ADORA2B: variants seen among roughly 807,000 people sequenced by gnomAD.
ADORA2B encodes adenosine receptor A2b.
In ADORA2B, 18 loss-of-function variants were observed where a neutral mutation model predicts 20.8. That is an observed-to-expected ratio of 0.87 (90% CI 0.60 to 1.29). The LOEUF (loss-of-function observed/expected upper bound fraction) is 1.29. Ranked by LOEUF, ADORA2B falls within the 50% of genes most tolerant of loss-of-function variation. The probability of loss-of-function intolerance (pLI) is 0.00; values close to 1 mark genes in which losing one functional copy is unlikely to be tolerated. For synonymous variants in ADORA2B, 179 were observed against 178.3 expected, an observed-to-expected ratio of 1.00 and a Z score of -0.03; for missense variants, 441 against 422.7, an observed-to-expected ratio of 1.04 and a Z score of -0.38.
the ADORA2B span, among the ~76,000 whole-genome samples, chr17:15,931,445 C>G: frequency 6.6e-6 from 1 of 152,178 alleles, no homozygotes; most frequent in African/African-American, 2.4e-5. Context: ...CTTCCATGTC[C>G]TTTTCCTTAG....
At chr17:15,854,782 T>C in the ADORA2B span, among the ~76,000 whole-genome samples, 1 of 152,352 alleles carries the variant, frequency 6.6e-6, no homozygotes, top group South Asian at 2.1e-4. Context: ...ACCAGGATAT[T>C]CGTTTCCTAA....
chr17:15,914,481 A>G, the ADORA2B span, among the ~76,000 whole-genome samples: 2 of 152,174 alleles, frequency 1.3e-5, no homozygotes, highest in Non-Finnish European at 2.9e-5. Flanking sequence ...CTGAGATTAC[A>G]AGTGTGAGCC....
the ADORA2B span, chr17:15,860,791 C>G: frequency 1.2e-5 from 2 of 165,724 alleles, no homozygotes; most frequent in African/African-American, 4.8e-5. Flanking sequence ...GCCTCTTCTT[C>G]AGGAATAGGT....
intron 1 of ADORA2B, among the ~76,000 whole-genome samples, chr17:15,962,374 T>C (rs1970051766): frequency 6.6e-6 from 1 of 152,142 alleles, no homozygotes; most frequent in Non-Finnish European, 1.5e-5. Flanking sequence ...TTTTTTTTCC[T>C]CATTCCTTCC....
At chr17:15,916,393 T>C in the ADORA2B span, among the ~76,000 whole-genome samples, 8 of 152,164 alleles carry the variant, frequency 5.3e-5, no homozygotes, top group Non-Finnish European at 1.0e-4. Context: ...AAGGGCTTTA[T>C]TCGACCAGGA....
the ADORA2B span, among the ~76,000 whole-genome samples, chr17:15,910,454 C>T: frequency 6.6e-6 from 1 of 152,090 alleles, no homozygotes; most frequent in African/African-American, 2.4e-5. Context: ...TGTGCCACCA[C>T]TCCTGGATAA....
the ADORA2B span, among the ~76,000 whole-genome samples, chr17:15,906,079 T>C: frequency 1.3e-5 from 2 of 152,240 alleles, no homozygotes; most frequent in Non-Finnish European, 2.9e-5. Context: ...TTTCTACCTT[T>C]CCAATTCGTA....
At chr17:15,859,555 C>T in the ADORA2B span, among the ~76,000 whole-genome samples, 1 of 151,948 alleles carries the variant, frequency 6.6e-6, no homozygotes, top group African/African-American at 2.4e-5. Context: ...TAGCTCTAAA[C>T]AAGGCACTTA....
the ADORA2B span, among the ~76,000 whole-genome samples, chr17:15,873,688 A>G: frequency 2.6e-5 from 4 of 152,206 alleles, no homozygotes; most frequent in African/African-American, 4.8e-5. Context: ...TAAAACCACA[A>G]TGAGAGACCA....
the ADORA2B span, among the ~76,000 whole-genome samples, chr17:15,906,368 C>A: frequency 6.6e-6 from 1 of 152,166 alleles, no homozygotes; most frequent in Admixed American, 6.6e-5. Context: ...TTGATATAAT[C>A]ATATGGTTTT....
At chr17:15,943,060 G>T (rs1969758319), upstream of ADORA2B, among the ~76,000 whole-genome samples, 1 of 152,214 alleles carries the variant, frequency 6.6e-6, no homozygotes, top group Non-Finnish European at 1.5e-5. Context: ...ACTGCTGTGG[G>T]AACGTGATTG....
chr17:15,875,128 T>G, the ADORA2B span, among the ~76,000 whole-genome samples: 2 of 152,174 alleles, frequency 1.3e-5, no homozygotes, highest in Admixed American at 6.5e-5. Flanking sequence ...GTAACAGTTT[T>G]TTGTTTTGTG....
the ADORA2B span, among the ~76,000 whole-genome samples, chr17:15,918,537 G>A: frequency 2.6e-5 from 4 of 152,118 alleles, no homozygotes; most frequent in Admixed American, 1.3e-4. Flanking sequence ...AGTAGCTTGA[G>A]GTCGGCTCAC....
rs529341610 is a variant in ADORA2B at position 15,974,720 on chromosome 17, T to C, written c.377T>C (p.Ile126Thr). Reference protein sequence around the residue: ...LVTGTRARGVIAVLWVLAFGI... With the variant: ...LVTGTRARGVTAVLWVLAFGI... ...ACGGGGACCCGAGCAAGAGGGGTCA[T>C]TGCTGTCCTCTGGGTCCTTGCCTTT... Residue 126 changes from isoleucine to threonine, a missense_variant, in exon 2 of 2, where the codon ATT (isoleucine) becomes ACT (threonine). By Grantham distance (89) the Ile-to-Thr change is moderately conservative. Transcript: ENST00000304222. 6.2e-6 allele frequency: 10 copies of C among 1,614,152 alleles called. No individual in the cohort carries two copies. Among genetic ancestry groups the C allele is most frequent in the South Asian group, 2.2e-5 (2 of 91,078 alleles).
the ADORA2B span, among the ~76,000 whole-genome samples, chr17:15,877,723 T>G: frequency 6.6e-6 from 1 of 151,598 alleles, no homozygotes; most frequent in Non-Finnish European, 1.5e-5. Flanking sequence ...GAAGAGAGAG[T>G]GTCTGGAGCT....
At chr17:15,925,161 G>A in the ADORA2B span, among the ~76,000 whole-genome samples, 6 of 151,874 alleles carry the variant, frequency 4.0e-5, no homozygotes, top group African/African-American at 9.7e-5. Context: ...TCAGCCTCCC[G>A]AGTAGCTGAG....
the ADORA2B span, among the ~76,000 whole-genome samples, chr17:15,856,420 G>C: frequency 6.6e-6 from 1 of 152,100 alleles, no homozygotes; most frequent in Non-Finnish European, 1.5e-5. Context: ...TTATAGCCGC[G>C]TGAAAACTGA....
At chr17:15,874,851 T>A in the ADORA2B span, among the ~76,000 whole-genome samples, 3 of 152,154 alleles carry the variant, frequency 2.0e-5, no homozygotes. Flanking sequence ...TTAATATATA[T>A]TCTCAAATTG....
chr17:15,901,770 C>T, the ADORA2B span, among the ~76,000 whole-genome samples: 14 of 152,276 alleles, frequency 9.2e-5, no homozygotes, highest in African/African-American at 3.1e-4. Flanking sequence ...AGCACATGCC[C>T]TATTATATTG....
Sources: gnomAD v4.1 joint callset for allele counts (sites outside exome capture counted in the v4.1 genomes callset) on GRCh38, gnomAD v4.1.1 for gene constraint, MANE v1.5 for transcripts, NCBI Gene and HGNC (gene_info 2026-07-23, HGNC 2026-07-21) for gene names.